Variants in AMZ1 observed in about 807,000 individuals in gnomAD.
AMZ1 encodes archaemetzincin-1.
Under a neutral mutation model 29.9 loss-of-function variants are expected in AMZ1, and 39 were observed. That is an observed-to-expected ratio of 1.30 (90% confidence interval 1.01 to 1.70). The LOEUF is 1.70. AMZ1 is among the 40% of genes most tolerant of loss of function. AMZ1 has a pLI of 0.00. For missense variants in AMZ1, 1,041 were observed against 680.6 expected, an observed-to-expected ratio of 1.53 and a Z score of -5.89; for synonymous variants, 458 against 304.0, an observed-to-expected ratio of 1.51 and a Z score of -5.27.
At chr7:2,722,870 TG>T (rs990592261), downstream of AMZ1, among the ~76,000 whole-genome samples, 15 of 151,990 alleles carry the variant, frequency 9.9e-5, no homozygotes, top group African/African-American at 3.1e-4. Flanking sequence ...CCCAGCTACT[TG>T]GAAGGCCAAG....
At position 2,716,623 on chromosome 7, in the gene AMZ1, G is replaced by A. The variant is rs757250387; in HGVS notation, c.*3745G>A. On this transcript the variant is annotated 3_prime_UTR_variant, in exon 7 of 7. Transcript: ENST00000683327. ...CCAGGGACACACCTACACGCAGAGG[G>A]TCTCCATACAGTGCCAAGGGAGCTG... is the stretch of plus-strand genomic sequence containing the variant. The A allele has an allele frequency of 6.6e-6, 1 of 152,218 alleles. No individual in the cohort carries two copies. The highest frequency in any genetic ancestry group is 1.5e-5 in the Non-Finnish European group (1 of 68,034). 9.4% of individuals were successfully genotyped at this position (152,218 alleles called of 1,614,324 possible). A position where few individuals can be genotyped will look rare whatever the true frequency, so the allele number is the denominator to read the frequency against.
At chr7:2,758,857 G>T (rs957942700) in intron 4 of AMZ1, among the ~76,000 whole-genome samples, 26 of 152,136 alleles carry the variant, frequency 1.7e-4, no homozygotes, top group African/African-American at 5.8e-4. Context: ...CAACATGATG[G>T]GTCTCTGCTG....
chr7:2,740,291 G>A lies in AMZ1; in HGVS notation n.551-24421G>A, dbSNP rs1322023343. Among the ~76,000 whole-genome samples, 4 of 152,250 alleles carry A rather than the reference G, an allele frequency of 2.6e-5. No individual in the cohort carries two copies. The South Asian group carries it at 8.3e-4, about 32-fold the overall frequency. ...GTGGAAGCCCTACCTGCAGTGTGATGGTATTTGGAGATGGGGACTTTGGGA... is the reference window on the plus strand; with the variant it reads ...GTGGAAGCCCTACCTGCAGTGTGATAGTATTTGGAGATGGGGACTTTGGGA... On this transcript the variant is annotated intron_variant and non_coding_transcript_variant, in intron 4 of 4. Coordinates refer to the AMZ1 transcript ENST00000489665.
intron 4 of AMZ1, among the ~76,000 whole-genome samples, chr7:2,732,482 G>T (rs1167263988): frequency 6.6e-6 from 1 of 152,122 alleles, no homozygotes; most frequent in Non-Finnish European, 1.5e-5. Flanking sequence ...GGAGGTTGAG[G>T]CTACAATGAG....
intron 4 of AMZ1, among the ~76,000 whole-genome samples, chr7:2,732,931 T>G (rs938572205): frequency 5.3e-5 from 8 of 152,230 alleles, no homozygotes; most frequent in African/African-American, 1.9e-4. Context: ...AAAACATTAA[T>G]GAGACAACAG....
At position 2,731,094 on chromosome 7, in the gene AMZ1, A is replaced by C; in HGVS notation, n.550+21278A>C. On this transcript the variant is annotated intron_variant and non_coding_transcript_variant, in intron 4 of 4. Transcript: ENST00000489665. The surrounding 1 kb of genome is among the most constrained non-coding windows in gnomAD (Gnocchi z 6.0). ...GGGCACGGATCCGAGAAACCCACTC[A>C]AGGACCACACAGACAACACACACCC... The C allele has an allele frequency of 1.1e-6, 1 of 889,374 alleles. No individual in the cohort carries two copies. The highest frequency in any genetic ancestry group is 2.4e-5 in the East Asian group (1 of 41,134). The allele number at this position is 889,374 out of a possible 1,614,324, so 55.1% of individuals were successfully genotyped here. A position where few individuals can be genotyped will look rare whatever the true frequency, so the allele number is the denominator to read the frequency against.
At chr7:2,702,579 A>T (rs1788112364) in intron 2 of AMZ1, 143 bp from the exon 3 acceptor site, 1 of 933,766 alleles carries the variant, frequency 1.1e-6, no homozygotes, top group Admixed American at 3.0e-5. Context: ...TCCCTTTTCT[A>T]AGCCTGACGC....
At chr7:2,709,299 C>A in intron 5 of AMZ1, 55 bp downstream of exon 5, 1 of 1,445,262 alleles carries the variant, frequency 6.9e-7, no homozygotes, top group Non-Finnish European at 9.1e-7. Context: ...TGTCTGAGCC[C>A]TTGGTGCCTC....
At chr7:2,747,877 A>G (rs1790844747) in intron 4 of AMZ1, among the ~76,000 whole-genome samples, 1 of 152,166 alleles carries the variant, frequency 6.6e-6, no homozygotes, top group African/African-American at 2.4e-5. Flanking sequence ...TAACAGACAA[A>G]CAGCCAAATC....
At chr7:2,695,723 A>G (rs1409346952) in intron 1 of AMZ1, among the ~76,000 whole-genome samples, 1 of 151,962 alleles carries the variant, frequency 6.6e-6, no homozygotes, top group Admixed American at 6.6e-5. Flanking sequence ...TTAAAAAAGA[A>G]AAAAAGGCCG....
chr7:2,722,719 C>T (rs1445346589), downstream of AMZ1, among the ~76,000 whole-genome samples: 1 of 152,176 alleles, frequency 6.6e-6, no homozygotes, highest in African/African-American at 2.4e-5. Context: ...TGCCTGTAAT[C>T]CCAGCACTTC....
chr7:2,743,656 G>A (rs921366335), intron 4 of AMZ1, among the ~76,000 whole-genome samples: 1 of 152,166 alleles, frequency 6.6e-6, no homozygotes, highest in Non-Finnish European at 1.5e-5. Flanking sequence ...GAGGTACCGG[G>A]TTCATCTCAC....
chr7:2,700,800 TTA>T lies in AMZ1; in HGVS notation c.304+52_304+53del, dbSNP rs766459246. The stretch of plus-strand genomic sequence containing the variant: ...ATCGGCACGCTCCTGGGGGACCAGC[TTA>T]TATATAGCACAAGTGGGGGATGTCT... On this transcript the variant is annotated intron_variant, in intron 2 of 6. Coordinates refer to ENST00000683327, the MANE Select transcript of AMZ1 (RefSeq NM_001384743.1). 5.7e-6 allele frequency: 9 copies of T among 1,589,088 alleles called. No individual in the cohort carries two copies. In the African/African-American group the frequency reaches 6.7e-5, roughly 12 times the overall value.
chr7:2,753,187 CTG>C (rs1178114853), intron 4 of AMZ1, among the ~76,000 whole-genome samples: 1 of 151,736 alleles, frequency 6.6e-6, no homozygotes. Context: ...CAGGGTCTTA[CTG>C]TGTTGCCCAG....
At chr7:2,754,404 A>G (rs1791190562) in intron 4 of AMZ1, among the ~76,000 whole-genome samples, 1 of 152,116 alleles carries the variant, frequency 6.6e-6, no homozygotes, top group South Asian at 2.1e-4. Flanking sequence ...TGTAGTCAGC[A>G]AATACTTTTC....
At chr7:2,711,413 G>A (rs1031197754) in intron 6 of AMZ1, among the ~76,000 whole-genome samples, 1 of 152,258 alleles carries the variant, frequency 6.6e-6, no homozygotes, top group Non-Finnish European at 1.5e-5. Context: ...CACGATGGCT[G>A]ATGTGAGCTC....
At chr7:2,722,978 TTAAAA>T (rs749279410), downstream of AMZ1, among the ~76,000 whole-genome samples, 2 of 151,534 alleles carry the variant, frequency 1.3e-5, no homozygotes, top group African/African-American at 4.9e-5. Flanking sequence ...GACCCTATAT[TTAAAA>T]TAAAATAAAG....
chr7:2,700,664 C>T lies in AMZ1; in HGVS notation c.213C>T (p.Pro71=), dbSNP rs368870586. Reference sequence around the variant, plus strand: ...GCTTCGACTGGCTCCTGAGCCGACCCGAGGCTCCCGAGGACTTCCAGACCT... The same window carrying T: ...GCTTCGACTGGCTCCTGAGCCGACCTGAGGCTCCCGAGGACTTCCAGACCT... ...RTGFDWLLSR[P]EAPEDFQTFH... is the part of the protein sequence containing the mutation. Residue 71 remains proline (P), a synonymous_variant, in exon 2 of 7, where the codon CCC becomes CCT. Coordinates refer to ENST00000683327, the MANE Select transcript of AMZ1 (RefSeq NM_001384743.1). The T allele has an allele frequency of 4.8e-5, 78 of 1,612,432 alleles. No homozygotes were observed. The African/African-American group carries it at 7.2e-4, about 15-fold the overall frequency.
intron 1 of AMZ1, among the ~76,000 whole-genome samples, chr7:2,694,061 C>T (rs983769012): frequency 1.2e-4 from 19 of 152,276 alleles, no homozygotes; most frequent in East Asian, 1.9e-4. Flanking sequence ...GTCATGAGTC[C>T]GCTGAACTGG....
Sources: allele counts gnomAD v4.1 joint callset (sites outside exome capture counted in the v4.1 genomes callset), GRCh38; gene constraint gnomAD v4.1.1; non-coding constraint Gnocchi (gnomAD v3.1); transcripts MANE v1.5; gene names NCBI Gene and HGNC (gene_info 2026-07-23, HGNC 2026-07-21).